Variants in FASTK observed in about 807,000 individuals in gnomAD.
The protein encoded by FASTK is Fas activated serine/threonine kinase.
In FASTK, 28 loss-of-function variants were observed where a neutral mutation model predicts 60.0. The ratio of observed to expected loss-of-function variants is 0.47; its 90% CI spans 0.35 to 0.64. FASTK has a LOEUF of 0.64. Among genes scored for constraint, FASTK ranks in the 30% least tolerant of loss-of-function variants. FASTK has a pLI of 0.01. For missense variants in FASTK, 595 were observed against 713.8 expected (o/e 0.83, Z 1.90); for synonymous variants, 325 against 307.9 (o/e 1.06, Z -0.58).
intron 3 of FASTK, 32 bp from the exon 4 acceptor site, chr7:151,078,733 A>AGCCGGACCTCC: frequency 1.4e-5 from 23 of 1,611,924 alleles, no homozygotes; most frequent in Non-Finnish European, 2.0e-5. Flanking sequence ...GCTGGGCCTC[A>AGCCGGACCTCC]GCCGGACCTC....
At chr7:151,079,429 G>A in intron 2 of FASTK, 71 bp downstream of exon 2, 1 of 1,423,170 alleles carries the variant, frequency 7.0e-7, no homozygotes, top group Non-Finnish European at 9.5e-7. Flanking sequence ...TCTGTCCGTG[G>A]TCCTCTACTG....
rs1259036327 is a variant in FASTK, at chr7:151,080,756, G to A, written c.11C>T (p.Pro4Leu). 1.5e-6 allele frequency: 2 copies of A among 1,299,938 alleles called. No individual in the cohort carries two copies. The highest frequency in any genetic ancestry group is 6.3e-5 in the East Asian group (2 of 31,980). The allele number at this position is 1,299,938 out of a possible 1,614,324, so 80.5% of individuals were successfully genotyped here. A position where few individuals can be genotyped will look rare whatever the true frequency, so the allele number is the denominator to read the frequency against. Residue 4 changes from proline (P) to leucine (L), a missense_variant, in exon 1 of 10, where the codon CCG becomes CTG. Around this residue, in one of 2 missense-constraint regions of FASTK, gnomAD observed 124 missense variants for 107.9 expected, o/e 1.15. Coordinates refer to ENST00000297532, the MANE Select transcript of FASTK (RefSeq NM_006712.5). MRR[P>L]RGEPGPRAPR... is the part of the protein sequence containing the mutation. ...GGCCCGGGGGCCGGGTTCCCCCCGC[G>A]GCCTCCTCATCGGCTAGCCACCGAG...
chr7:151,077,753 C>T lies in FASTK; in HGVS notation c.1067G>A (p.Arg356His). Reference sequence around the variant, plus strand: ...GGCCGTGTCCAGCAGGGAGAGGTAGCGACGCACAATCAGAGCATGAGGGGT... The same window carrying T: ...GGCCGTGTCCAGCAGGGAGAGGTAGTGACGCACAATCAGAGCATGAGGGGT... ...SGTPHALIVR[R>H]YLSLLDTAVE... The change falls in exon 6 of 10, where the codon CGC (arginine) becomes CAC (histidine). Residue 356 changes from arginine (R) to histidine (H), a missense_variant. Arg to His is a conservative substitution (Grantham distance 29, BLOSUM62 0). This residue lies in a region of FASTK where 471 missense variants were observed against 605.9 expected (regional missense o/e 0.78). Coordinates refer to ENST00000297532, the MANE Select transcript of FASTK (RefSeq NM_006712.5). The T allele has an allele frequency of 3.1e-6, 5 of 1,597,178 alleles. No individual in the cohort carries two copies. The highest frequency in any genetic ancestry group is 2.6e-6 in the Non-Finnish European group (3 of 1,170,044).
intron 4 of FASTK, 48 bp downstream of exon 4, chr7:151,078,514 G>T (rs371971043): frequency 4.4e-6 from 7 of 1,600,916 alleles, no homozygotes; most frequent in African/African-American, 2.7e-5. Context: ...GCCTGACAAG[G>T]TCCCTGAGAA....
rs753396971 is a variant in FASTK, at chr7:151,077,010, C to T, written c.1445G>A (p.Arg482Gln). The change falls in exon 9 of 10, where the codon CGG becomes CAG. Residue 482 changes from arginine (R) to glutamine (Q), a missense_variant. By Grantham distance (43) the Arg-to-Gln change is conservative. This residue lies in a region of FASTK where 471 missense variants were observed against 605.9 expected (regional missense o/e 0.78). Coordinates refer to ENST00000297532, the MANE Select transcript of FASTK (RefSeq NM_006712.5). ...DPAQRVVLVL[R>Q]ERWHFCRDGR... ...GTCCCGGCAGAAATGCCAGCGTTCC[C>T]GCAACACCAGCACCACCCTGCAGGG... The T allele has an allele frequency of 1.4e-5, 22 of 1,612,518 alleles. 1 individual carries two copies. Among genetic ancestry groups the T allele is most frequent in the South Asian group, 4.4e-5 (4 of 91,062 alleles).
At position 151,080,730 on chromosome 7, in the gene FASTK, G is replaced by A; in HGVS notation, c.37C>T (p.Pro13Ser). The change falls in exon 1 of 10, where the codon CCG (proline) becomes TCG (serine). Residue 13 changes from proline to serine, a missense_variant. Around this residue, in one of 2 missense-constraint regions of FASTK, gnomAD observed 124 missense variants for 107.9 expected, o/e 1.15. Coordinates refer to ENST00000297532, the MANE Select transcript of FASTK (RefSeq NM_006712.5). Reference protein sequence around the residue: ...RPRGEPGPRAPRPTEGATCAG... With the variant: ...RPRGEPGPRASRPTEGATCAG... Reference sequence around the variant, plus strand: ...CAGGTCGCTCCCTCAGTCGGTCTCGGGGCCCGGGGGCCGGGTTCCCCCCGC... The same window carrying A: ...CAGGTCGCTCCCTCAGTCGGTCTCGAGGCCCGGGGGCCGGGTTCCCCCCGC... The A allele has an allele frequency of 2.3e-6, 3 of 1,323,122 alleles. No individual in the cohort carries two copies. Among genetic ancestry groups the A allele is most frequent in the Non-Finnish European group, 2.9e-6 (3 of 1,037,146 alleles). 82.0% of individuals were successfully genotyped at this position (1,323,122 alleles called of 1,614,324 possible).
In FASTK at chr7:151,077,334, T is replaced by C; in HGVS notation, c.1267A>G (p.Thr423Ala). ...CCTGTGCAGTAGCCTGGAGGCACAG[T>C]CAGGTCCTGGCGGTATTTCTCCTCC... ...LGEEKYRQDLTVPPGYCTDFL... is the reference protein window; with the variant it reads ...LGEEKYRQDLAVPPGYCTDFL... The change falls in exon 7 of 10, where the codon ACT (threonine) becomes GCT (alanine). Residue 423 changes from threonine (T) to alanine (A), a missense_variant. Physicochemically the swap from Thr to Ala is moderately conservative, Grantham distance 58. Transcript: ENST00000297532. The C allele has an allele frequency of 1.2e-6, 2 of 1,613,072 alleles. No homozygotes were observed. Among genetic ancestry groups the C allele is most frequent in the Non-Finnish European group, 1.7e-6 (2 of 1,179,982 alleles).
chr7:151,077,532 T>G (rs1031564915), intron 6 of FASTK, 89 bp downstream of exon 6: 2 of 1,509,722 alleles, frequency 1.3e-6, no homozygotes, highest in East Asian at 4.7e-5. Context: ...CGAGAGCTCC[T>G]TAGCTTTGGC....
intron 6 of FASTK, 36 bp from the exon 7 acceptor site, chr7:151,077,437 G>A (rs776556247): frequency 1.7e-5 from 27 of 1,596,990 alleles, no homozygotes; most frequent in Middle Eastern, 1.6e-4. Context: ...GGAAGGGCCC[G>A]GCACCTCATC....
intron 1 of FASTK, chr7:151,080,472 C>CT (rs1797929313): frequency 3.9e-6 from 5 of 1,281,262 alleles, no homozygotes; most frequent in Non-Finnish European, 4.9e-6. Context: ...CTTCGTCTCT[C>CT]TAAGTCTCCT....
chr7:151,078,277 G>A (rs1797779307), intron 4 of FASTK, among the ~76,000 whole-genome samples, 185 bp from the exon 5 acceptor site: 1 of 152,200 alleles, frequency 6.6e-6, no homozygotes, highest in Non-Finnish European at 1.5e-5. Flanking sequence ...CACCAGACAG[G>A]CAGAGGGGAC....
At position 151,077,110 on chromosome 7, in the gene FASTK, G is replaced by C. The variant is rs199875725; in HGVS notation, c.1418C>G (p.Pro473Arg). The C allele has an allele frequency of 6.2e-7, 1 of 1,609,996 alleles. No individual in the cohort carries two copies. The highest frequency in any genetic ancestry group is 8.5e-7 in the Non-Finnish European group (1 of 1,177,464). The change falls in exon 8 of 10, where the codon CCT (proline) becomes CGT (arginine). Residue 473 changes from proline to arginine, a missense_variant. This residue lies in a region of FASTK where 471 missense variants were observed against 605.9 expected (regional missense o/e 0.78). Transcript: ENST00000297532. ...QAASSATTRD[P>R]AQRVVLVLRE... ...ACCCTGCCTCCTTTACCTCTGGGCAGGGTCTCGAGTAGTGGCGCTAGAGGC... is the reference window on the plus strand; with the variant it reads ...ACCCTGCCTCCTTTACCTCTGGGCACGGTCTCGAGTAGTGGCGCTAGAGGC...
Position 151,079,815 on chromosome 7 carries a change from C to G in FASTK, c.190G>C (p.Gly64Arg). ...GGCCGGTCCCCCCATTTGCTGGGCC[C>G]CAAACAGCAGGGCTGTACTGGAGGG... Reference protein sequence around the residue: ...LIPPVQPCCLGPSKWGDRPVG... With the variant: ...LIPPVQPCCLRPSKWGDRPVG... The change falls in exon 2 of 10, where the codon GGG (glycine) becomes CGG (arginine). Residue 64 changes from glycine (G) to arginine (R), a missense_variant. Gly to Arg is a moderately radical substitution (Grantham distance 125). Coordinates refer to ENST00000297532, the MANE Select transcript of FASTK (RefSeq NM_006712.5). The G allele has an allele frequency of 6.2e-7, 1 of 1,600,962 alleles. No homozygotes were observed. The highest frequency in any genetic ancestry group is 8.5e-7 in the Non-Finnish European group (1 of 1,173,794).
In FASTK at chr7:151,076,651, T is replaced by A; in HGVS notation, c.*74A>T. On this transcript the variant is annotated 3_prime_UTR_variant, in exon 10 of 10. Transcript: ENST00000297532. The stretch of plus-strand genomic sequence containing the variant: ...GAAGGAAAGGAACTTTAATGAGAAA[T>A]CAAAACACAGGGAACCAAAGTGCAA... 9.7e-7 allele frequency: 1 copy of A among 1,028,470 alleles called. No individual in the cohort carries two copies. Among genetic ancestry groups the A allele is most frequent in the Non-Finnish European group, 1.4e-6 (1 of 716,786 alleles). The allele number at this position is 1,028,470 out of a possible 1,614,324, so 63.7% of individuals were successfully genotyped here.
At chr7:151,079,074 TATC>T (rs1262881635) in intron 2 of FASTK, 53 bp from the exon 3 acceptor site, 1 of 1,375,652 alleles carries the variant, frequency 7.3e-7, no homozygotes. Flanking sequence ...CTGCTGTTCT[TATC>T]ATGGGGTTAC....
rs56023052 is a variant in FASTK, at chr7:151,079,915, T to C, written c.90A>G (p.Pro30=). The part of the protein sequence containing the change: ...TCAGPGESWS[P]SPNSMLRVLL... The stretch of plus-strand genomic sequence containing the variant: ...GGACTCGAAGCATGGAGTTGGGTGA[T>C]GGAGACCCTGAGGGGCAGCCCAAAA... The change falls in exon 2 of 10, where the codon CCA becomes CCG. Residue 30 remains proline, a synonymous_variant. Coordinates refer to ENST00000297532, the MANE Select transcript of FASTK (RefSeq NM_006712.5). 1.9e-6 allele frequency: 3 copies of C among 1,585,576 alleles called. No homozygotes were observed. The highest frequency in any genetic ancestry group is 2.6e-6 in the Non-Finnish European group (3 of 1,161,250).
Position 151,076,676 on chromosome 7 carries a change from A to C in FASTK, c.*49T>G. On this transcript the variant is annotated 3_prime_UTR_variant, in exon 10 of 10. Transcript: ENST00000297532. Reference sequence around the variant, plus strand: ...TCAAAACACAGGGAACCAAAGTGCAAATCATCCACCCCCCATGGGGGGGCC... The same window carrying C: ...TCAAAACACAGGGAACCAAAGTGCACATCATCCACCCCCCATGGGGGGGCC... 8.1e-7 allele frequency: 1 copy of C among 1,233,670 alleles called. No homozygotes were observed. The highest frequency in any genetic ancestry group is 1.5e-5 in the South Asian group (1 of 67,372). 76.4% of individuals were successfully genotyped at this position (1,233,670 alleles called of 1,614,324 possible). A position where few individuals can be genotyped will look rare whatever the true frequency, so the allele number is the denominator to read the frequency against.
In FASTK at chr7:151,080,741, C is replaced by T; in HGVS notation, c.26G>A (p.Gly9Asp). Residue 9 changes from glycine to aspartate, a missense_variant, in exon 1 of 10, where the codon GGC becomes GAC. Physicochemically the swap from Gly to Asp is moderately conservative, Grantham distance 94 (BLOSUM62 -1). Transcript: ENST00000297532. MRRPRGEP[G>D]PRAPRPTEGA... ...CTCAGTCGGTCTCGGGGCCCGGGGG[C>T]CGGGTTCCCCCCGCGGCCTCCTCAT... 7.6e-7 allele frequency: 1 copy of T among 1,312,944 alleles called. No homozygotes were observed. Among genetic ancestry groups the T allele is most frequent in the South Asian group, 2.1e-5 (1 of 47,898 alleles). The allele number at this position is 1,312,944 out of a possible 1,614,324, so 81.3% of individuals were successfully genotyped here.
rs1351885466 is a variant in FASTK, at chr7:151,078,994, C to T, written c.533G>A (p.Cys178Tyr). ...GAGCCTTCGCTCCTGTTCCAGGGCA[C>T]ACACCAGGGGACCATCAGATGGAAA... ...LGFPSDGPLV[C>Y]ALEQERRLRL... The change falls in exon 3 of 10, where the codon TGT becomes TAT. Residue 178 changes from cysteine (C) to tyrosine (Y), a missense_variant. This residue lies in a region of FASTK where 471 missense variants were observed against 605.9 expected (regional missense o/e 0.78). Transcript: ENST00000297532. The T allele has an allele frequency of 6.6e-7, 1 of 1,517,612 alleles. No homozygotes were observed. The highest frequency in any genetic ancestry group is 1.7e-4 in the Middle Eastern group (1 of 5,772). 94.0% of individuals were successfully genotyped at this position (1,517,612 alleles called of 1,614,324 possible).
Sources: allele counts gnomAD v4.1 joint callset (sites outside exome capture counted in the v4.1 genomes callset), GRCh38; gene constraint gnomAD v4.1.1; regional missense constraint gnomAD v4.1.1; transcripts MANE v1.5; gene names NCBI Gene and HGNC (gene_info 2026-07-23, HGNC 2026-07-21).